The following DPP6 variants were observed in gnomAD, a reference collection of about 807,000 sequenced individuals.
The protein encoded by DPP6 is dipeptidyl peptidase like 6, also known as A-type potassium channel modulatory protein DPP6.
Under a neutral mutation model 122.6 loss-of-function variants are expected in DPP6, and 69 were observed. The ratio of observed to expected loss-of-function variants is 0.56; its 90% CI spans 0.46 to 0.69. The LOEUF (loss-of-function observed/expected upper bound fraction) is 0.69. Among genes scored for constraint, DPP6 ranks in the 30% least tolerant of loss-of-function variants. The pLI is 0.00. For missense variants in DPP6, 928 were observed against 1,116.9 expected (o/e 0.83, Z 2.41); for synonymous variants, 418 against 433.1 (o/e 0.97, Z 0.43).
rs556818311 is a variant in DPP6 at position 154,674,920 on chromosome 7, G to C, written c.762+5479G>C. 2.0e-5 allele frequency among the ~76,000 whole-genome samples: 3 copies of C among 152,286 alleles called. No homozygotes were observed. The South Asian group carries it at 6.2e-4, about 32-fold the overall frequency. On this transcript the variant is annotated intron_variant, in intron 7 of 25. Transcript: ENST00000377770. ...ATCTCCAGACCAAGAGAGGCTGAGG[G>C]GTGGTGAATATCAGTGAGCAACTGT... is the stretch of plus-strand genomic sequence containing the variant.
At chr7:154,111,072 T>TA (rs1806535741) in intron 1 of DPP6, among the ~76,000 whole-genome samples, 1 of 152,196 alleles carries the variant, frequency 6.6e-6, no homozygotes. Flanking sequence ...AGCTCAAGCC[T>TA]AAAAATCCAT....
chr7:153,846,947 A>G, the DPP6 span, among the ~76,000 whole-genome samples: 1 of 152,030 alleles, frequency 6.6e-6, no homozygotes, highest in Non-Finnish European at 1.5e-5. Flanking sequence ...TCGGCCTCCC[A>G]AAGTGCTGGA....
At chr7:153,893,920 G>T (rs1441884406) in intron 1 of DPP6, among the ~76,000 whole-genome samples, 1 of 152,222 alleles carries the variant, frequency 6.6e-6, no homozygotes, top group Admixed American at 6.5e-5. Flanking sequence ...GTTGACTGTG[G>T]TAGGTAAAGC....
At chr7:154,715,387 A>G (rs1841425951) in intron 7 of DPP6, among the ~76,000 whole-genome samples, 1 of 152,186 alleles carries the variant, frequency 6.6e-6, no homozygotes, top group African/African-American at 2.4e-5. Context: ...ATTTTATAAA[A>G]AGGAATATTT....
intron 1 of DPP6, among the ~76,000 whole-genome samples, chr7:154,034,364 C>G (rs1422716907): frequency 1.3e-5 from 2 of 152,290 alleles, no homozygotes; most frequent in South Asian, 2.1e-4. Flanking sequence ...GAAGCCTGTT[C>G]AAGTTCACAC....
At chr7:154,290,842 C>T (rs1447069332) in intron 1 of DPP6, among the ~76,000 whole-genome samples, 1 of 152,128 alleles carries the variant, frequency 6.6e-6, no homozygotes, top group Non-Finnish European at 1.5e-5. Flanking sequence ...GTTTGTTTCC[C>T]TGTTTGCCTT....
At chr7:154,631,608 G>C (rs549116576) in intron 5 of DPP6, among the ~76,000 whole-genome samples, 2 of 151,758 alleles carry the variant, frequency 1.3e-5, no homozygotes, top group Non-Finnish European at 2.9e-5. Flanking sequence ...CAGTGGTTGC[G>C]GTGAGCCAAG....
At chr7:153,866,600 GC>G in the DPP6 span, among the ~76,000 whole-genome samples, 3 of 152,092 alleles carry the variant, frequency 2.0e-5, no homozygotes, top group African/African-American at 7.2e-5. Flanking sequence ...TCTGTAGGTT[GC>G]CTGTTCGCTC....
chr7:154,719,140 CTCTT>C (rs3840560), intron 7 of DPP6, among the ~76,000 whole-genome samples: 11,139 of 152,096 alleles, frequency 0.073, 1,089 homozygotes, highest in African/African-American at 0.22. Context: ...GACTCCTTCT[CTCTT>C]GTTCTTCAAA....
chr7:154,187,570 C>T (rs1373696714), intron 1 of DPP6, among the ~76,000 whole-genome samples: 5 of 152,190 alleles, frequency 3.3e-5, no homozygotes, highest in Admixed American at 3.3e-4. Context: ...TATATACTCT[C>T]TACTGTTAGT....
chr7:154,636,254 T>A (rs1324708602), intron 5 of DPP6, among the ~76,000 whole-genome samples: 1 of 152,186 alleles, frequency 6.6e-6, no homozygotes, highest in Non-Finnish European at 1.5e-5. Flanking sequence ...TCTAGCTTCC[T>A]GCTCTTGCAT....
At chr7:153,986,435 A>G (rs144921905) in intron 1 of DPP6, among the ~76,000 whole-genome samples, 1 of 152,152 alleles carries the variant, frequency 6.6e-6, no homozygotes, top group Non-Finnish European at 1.5e-5. Flanking sequence ...GATCCAGCGA[A>G]GTATTTGCTT....
chr7:154,232,722 AC>A (rs1177287393), intron 1 of DPP6, among the ~76,000 whole-genome samples: 2 of 152,114 alleles, frequency 1.3e-5, no homozygotes, highest in Non-Finnish European at 2.9e-5. Context: ...CACACATTCT[AC>A]CTGCGGAGCT....
At chr7:154,534,271 C>G (rs1828065501) in intron 3 of DPP6, among the ~76,000 whole-genome samples, 1 of 151,986 alleles carries the variant, frequency 6.6e-6, no homozygotes, top group Non-Finnish European at 1.5e-5. Context: ...AAAATTACAC[C>G]TAAGTTATAT....
the DPP6 span, among the ~76,000 whole-genome samples, chr7:153,818,562 A>G: frequency 0.022 from 3,305 of 152,238 alleles, 67 homozygotes; most frequent in East Asian, 0.1. Flanking sequence ...GTTGCAAGAT[A>G]TATTGTATGG....
the DPP6 span, among the ~76,000 whole-genome samples, chr7:153,795,171 C>A: frequency 1.3e-5 from 2 of 152,236 alleles, no homozygotes; most frequent in African/African-American, 2.4e-5. Flanking sequence ...AATCCTAGCA[C>A]TTTGGCAGGC....
At chr7:154,221,776 C>G (rs11979228) in intron 1 of DPP6, among the ~76,000 whole-genome samples, 1 of 152,090 alleles carries the variant, frequency 6.6e-6, no homozygotes, top group Non-Finnish European at 1.5e-5. Flanking sequence ...TGCTATTAAC[C>G]TCTGCTGAAT....
intron 3 of DPP6, among the ~76,000 whole-genome samples, chr7:154,497,872 C>G (rs758939447): frequency 1.3e-5 from 2 of 152,066 alleles, no homozygotes; most frequent in Admixed American, 1.3e-4. Context: ...TTACAGCATC[C>G]CTGACAACTG....
intron 1 of DPP6, among the ~76,000 whole-genome samples, chr7:154,109,860 T>G (rs963945125): frequency 1.4e-5 from 2 of 142,272 alleles, no homozygotes; most frequent in African/African-American, 5.3e-5. Context: ...CCTCCAGTAC[T>G]CAGTGTCTTT....
Sources: allele counts gnomAD v4.1 joint callset (sites outside exome capture counted in the v4.1 genomes callset), GRCh38; gene constraint gnomAD v4.1.1; transcripts MANE v1.5; gene names NCBI Gene and HGNC (gene_info 2026-07-23, HGNC 2026-07-21).